The following MEGF11 variants were observed in gnomAD, a reference collection of about 807,000 sequenced individuals.
MEGF11 encodes the protein multiple EGF like domains 11, also known as multiple epidermal growth factor-like domains protein 11.
Under a neutral mutation model 146.6 loss-of-function variants are expected in MEGF11, and 126 were observed. That is an observed-to-expected ratio of 0.86 (90% CI 0.74 to 1.00). The LOEUF is 1.00. Among genes scored for constraint, MEGF11 ranks in the 50% least tolerant of loss-of-function variants. The pLI is 0.00. For synonymous variants in MEGF11, 532 were observed against 583.4 expected (o/e 0.91, Z 1.27); for missense variants, 1,509 against 1,521.2 (o/e 0.99, Z 0.13).
At chr15:66,208,835 C>T (rs1411347880) in intron 1 of MEGF11, among the ~76,000 whole-genome samples, 2 of 152,052 alleles carry the variant, frequency 1.3e-5, no homozygotes, top group South Asian at 2.1e-4. Context: ...CAATATCATG[C>T]CATTGCGCTC....
chr15:66,020,949 G>A (rs2083092499), intron 5 of MEGF11, among the ~76,000 whole-genome samples: 1 of 145,838 alleles, frequency 6.9e-6, no homozygotes, highest in Non-Finnish European at 1.5e-5. Flanking sequence ...CCGAGATCGC[G>A]CCATTGCACT....
rs559183478 is a variant in MEGF11, at chr15:66,126,318, C to T, written c.98+1988G>A. Among the ~76,000 whole-genome samples, 9 of 152,300 alleles carry T rather than the reference C, an allele frequency of 5.9e-5. No homozygotes were observed. In the South Asian group the frequency reaches 1.2e-3, roughly 21 times the overall value. ...AGCACCTGGTGTCACCAGGCATCGC[C>T]CACAAGCCTTCCCCCTTGGGGCCGG... is the stretch of plus-strand genomic sequence containing the variant. On this transcript the variant is annotated intron_variant, in intron 2 of 25. Transcript: ENST00000395614.
At chr15:66,115,662 C>T (rs1235161985) in intron 4 of MEGF11, among the ~76,000 whole-genome samples, 4 of 151,022 alleles carry the variant, frequency 2.6e-5, no homozygotes, top group African/African-American at 9.8e-5. Flanking sequence ...AGTCTCAAGC[C>T]GCAGCACCTG....
chr15:65,901,791 TC>T (rs1256879921), intron 24 of MEGF11: 2 of 152,216 alleles, frequency 1.3e-5, no homozygotes, highest in Non-Finnish European at 2.9e-5. Flanking sequence ...TAGTCTTCAT[TC>T]CAATTAGGTC....
chr15:65,922,139 T>C, intron 15 of MEGF11, 199 bp downstream of exon 15: 1 of 613,744 alleles, frequency 1.6e-6, no homozygotes, highest in Non-Finnish European at 2.9e-6. Context: ...ATTTCACTTC[T>C]GTGAGGCTGT....
chr15:66,052,109 T>C (rs1350258637), intron 5 of MEGF11, among the ~76,000 whole-genome samples: 2 of 152,170 alleles, frequency 1.3e-5, no homozygotes, highest in East Asian at 1.9e-4. Flanking sequence ...TGAGCATCCA[T>C]CATCCCCACT....
Position 65,930,957 on chromosome 15 carries a change from G to C in MEGF11, c.1288-14C>G. 1 of 1,566,600 alleles carries C rather than the reference G, an allele frequency of 6.4e-7. No homozygotes were observed. Among genetic ancestry groups the C allele is most frequent in the Non-Finnish European group, 8.7e-7 (1 of 1,150,240 alleles). ...ACAGACCTCTCCCTGGAAAGGGAGGGGGTGAATTTTGGATCAAAGGTTGCT... is the reference window on the plus strand; with the variant it reads ...ACAGACCTCTCCCTGGAAAGGGAGGCGGTGAATTTTGGATCAAAGGTTGCT... On this transcript the variant is annotated splice_polypyrimidine_tract_variant and intron_variant, in intron 10 of 25. Transcript: ENST00000395614.
At chr15:65,919,030 T>A (rs1398530286) in intron 15 of MEGF11, among the ~76,000 whole-genome samples, 1 of 152,142 alleles carries the variant, frequency 6.6e-6, no homozygotes, top group African/African-American at 2.4e-5. Context: ...AGGTGTTGAT[T>A]CTTGAAGATA....
chr15:66,148,298 C>A (rs1182401148), intron 1 of MEGF11, among the ~76,000 whole-genome samples: 1 of 152,212 alleles, frequency 6.6e-6, no homozygotes, highest in Non-Finnish European at 1.5e-5. Flanking sequence ...GAGCTTGAGA[C>A]AATCCCACTT....
At chr15:66,171,948 C>A (rs896606538) in intron 1 of MEGF11, among the ~76,000 whole-genome samples, 1 of 152,176 alleles carries the variant, frequency 6.6e-6, no homozygotes, top group Non-Finnish European at 1.5e-5. Flanking sequence ...TAATTCCCGG[C>A]GCCTCCAGCT....
chr15:66,015,453 A>T (rs1481561114), intron 5 of MEGF11, among the ~76,000 whole-genome samples: 2 of 152,224 alleles, frequency 1.3e-5, no homozygotes, highest in Non-Finnish European at 2.9e-5. Context: ...GTTTTTGACC[A>T]TTCACTGTGA....
At chr15:66,252,218 C>G (rs1478725031) in intron 1 of MEGF11, among the ~76,000 whole-genome samples, 2 of 128,760 alleles carry the variant, frequency 1.6e-5, no homozygotes, top group Non-Finnish European at 3.5e-5. Flanking sequence ...GCGAGCCGCA[C>G]CCCCCGCCCC....
chr15:66,096,399 G>A (rs1295936800), intron 4 of MEGF11, among the ~76,000 whole-genome samples: 1 of 152,254 alleles, frequency 6.6e-6, no homozygotes, highest in Non-Finnish European at 1.5e-5. Context: ...GAGAAGCTGA[G>A]GCCTGAGCGT....
At chr15:66,236,772 C>T (rs2092101886) in intron 1 of MEGF11, among the ~76,000 whole-genome samples, 1 of 152,144 alleles carries the variant, frequency 6.6e-6, no homozygotes, top group Admixed American at 6.5e-5. Context: ...TGCTCAGCAT[C>T]CAGCTCCTCT....
At chr15:66,094,591 G>T in intron 4 of MEGF11, 97 bp from the exon 5 acceptor site, 1 of 1,062,650 alleles carries the variant, frequency 9.4e-7, no homozygotes, top group Non-Finnish European at 1.4e-6. Flanking sequence ...CAACTCCCTG[G>T]TGCCCAGGGA....
intron 24 of MEGF11, 176 bp downstream of exon 24, chr15:65,905,905 ATGAT>A (rs3217276): frequency 0.15 from 69,392 of 476,384 alleles, 5,832 homozygotes; most frequent in Non-Finnish European, 0.18. Flanking sequence ...CATTATTATT[ATGAT>A]TGATTGCTCC....
intron 1 of MEGF11, among the ~76,000 whole-genome samples, chr15:66,179,424 C>T (rs1298190539): frequency 3.9e-5 from 6 of 152,170 alleles, no homozygotes; most frequent in African/African-American, 7.2e-5. Context: ...TGAGCCATTC[C>T]GCCCAGCTGG....
chr15:66,048,732 G>T (rs568455586), intron 5 of MEGF11, among the ~76,000 whole-genome samples: 3 of 152,312 alleles, frequency 2.0e-5, no homozygotes, highest in South Asian at 2.1e-4. Flanking sequence ...TCCCAGATGG[G>T]CAAGTGAGTC....
At position 66,070,017 on chromosome 15, in the gene MEGF11, G is replaced by T. The variant is rs533073672; in HGVS notation, c.394+24385C>A. Reference sequence around the variant, plus strand: ...CTCTAAGAAAACTGGTTTAATTAGGGCGTGGCCTAGGCTCCTCTTTCCCTT... The same window carrying T: ...CTCTAAGAAAACTGGTTTAATTAGGTCGTGGCCTAGGCTCCTCTTTCCCTT... On this transcript the variant is annotated intron_variant, in intron 5 of 25. Transcript: ENST00000395614. 2.0e-5 allele frequency among the ~76,000 whole-genome samples: 3 copies of T among 152,278 alleles called. No homozygotes were observed. The South Asian group carries it at 6.2e-4, about 32-fold the overall frequency.
Sources: gnomAD v4.1 joint callset for allele counts (sites outside exome capture counted in the v4.1 genomes callset) on GRCh38, gnomAD v4.1.1 for gene constraint, MANE v1.5 for transcripts, NCBI Gene and HGNC (gene_info 2026-07-23, HGNC 2026-07-21) for gene names.